The following EXOSC6 variants were observed in gnomAD, a reference collection of about 807,000 sequenced individuals.
EXOSC6 encodes the protein exosome component 6, also known as exosome complex component MTR3.
In EXOSC6, 21 loss-of-function variants were observed where a neutral mutation model predicts 16.7. That is an observed-to-expected ratio of 1.26 (90% CI 0.89 to 1.82). EXOSC6 has a LOEUF of 1.82. Among genes scored for constraint, EXOSC6 ranks in the 40% most tolerant of loss-of-function variants. The pLI, the probability that EXOSC6 is intolerant of heterozygous loss-of-function variation, is 0.00. For missense variants in EXOSC6, 538 were observed against 415.7 expected (o/e 1.29, Z -2.56); for synonymous variants, 297 against 217.1 (o/e 1.37, Z -3.24).
Position 70,251,016 on chromosome 16 carries a change from G to T in EXOSC6, c.*66C>A. 7.0e-7 allele frequency: 1 copy of T among 1,419,668 alleles called. No homozygotes were observed. 87.9% of individuals were successfully genotyped at this position (1,419,668 alleles called of 1,614,324 possible). A position where few individuals can be genotyped will look rare whatever the true frequency, so the allele number is the denominator to read the frequency against. On this transcript the variant is annotated 3_prime_UTR_variant, in exon 1 of 1. Coordinates refer to ENST00000435634, the MANE Select transcript of EXOSC6 (RefSeq NM_058219.3). The stretch of plus-strand genomic sequence containing the variant: ...GACGCAAACTGGAGGCCGATGGCGC[G>T]GGTCTTTTCGTGGACGGCGGCAGCA...
rs1395819693 is a variant in EXOSC6, at chr16:70,251,340, G to C, written c.561C>G (p.Leu187=). 1 of 1,379,678 alleles carries C rather than the reference G, an allele frequency of 7.2e-7. No individual in the cohort carries two copies. The highest frequency in any genetic ancestry group is 9.3e-7 in the Non-Finnish European group (1 of 1,073,026). The allele number at this position is 1,379,678 out of a possible 1,614,324, so 85.5% of individuals were successfully genotyped here. Residue 187 remains leucine, a synonymous_variant, in exon 1 of 1, where the codon CTC becomes CTG. Transcript: ENST00000435634. ...YDLVVGCGLS[L]APGPAPTWLL... is the part of the protein sequence containing the mutation. ...GCCAGGTGGGCGCGGGCCCCGGCGC[G>C]AGGCTGAGGCCGCAGCCCACCACCA...
chr16:70,251,112 G>T lies in EXOSC6; in HGVS notation c.789C>A (p.Ala263=). Residue 263 remains alanine, a synonymous_variant, in exon 1 of 1, where the codon GCC becomes GCA. Coordinates refer to ENST00000435634, the MANE Select transcript of EXOSC6 (RefSeq NM_058219.3). The part of the protein sequence containing the change: ...PVLQQSLVRA[A]RRRGAAAQP ...GCTGGGCGGCGGCGCCCCTGCGGCG[G>T]GCGGCCCGCACCAGGCTCTGCTGCA... 2.0e-6 allele frequency: 3 copies of T among 1,505,874 alleles called. No individual in the cohort carries two copies. The highest frequency in any genetic ancestry group is 2.6e-6 in the Non-Finnish European group (3 of 1,140,710). The allele number at this position is 1,505,874 out of a possible 1,614,324, so 93.3% of individuals were successfully genotyped here. A position where few individuals can be genotyped will look rare whatever the true frequency, so the allele number is the denominator to read the frequency against.
rs1597428690 is a variant in EXOSC6, at chr16:70,247,746, T to C, written c.*3336A>G. 1 of 152,056 alleles carries C rather than the reference T, an allele frequency of 6.6e-6. No individual in the cohort carries two copies. The highest frequency in any genetic ancestry group is 1.5e-5 in the Non-Finnish European group (1 of 67,986). The allele number at this position is 152,056 out of a possible 1,614,324, so 9.4% of individuals were successfully genotyped here. A position where few individuals can be genotyped will look rare whatever the true frequency, so the allele number is the denominator to read the frequency against. ...TTACATAGCAATCTTATAAAAGAAA[T>C]GCTAGAATCAGAAAACCATCATTTT... On this transcript the variant is annotated 3_prime_UTR_variant, in exon 1 of 1. Coordinates refer to ENST00000435634, the MANE Select transcript of EXOSC6 (RefSeq NM_058219.3).
rs1320186375 is a variant in EXOSC6, at chr16:70,247,293, T to C, written c.*3789A>G. On this transcript the variant is annotated 3_prime_UTR_variant, in exon 1 of 1. Coordinates refer to ENST00000435634, the MANE Select transcript of EXOSC6 (RefSeq NM_058219.3). ...ATATACTGAAAATATTTCACTCCACTAAGATGTTAAGCTAAAAACAAATAC... is the reference window on the plus strand; with the variant it reads ...ATATACTGAAAATATTTCACTCCACCAAGATGTTAAGCTAAAAACAAATAC... 1 of 155,264 alleles carries C rather than the reference T, an allele frequency of 6.4e-6. No individual in the cohort carries two copies. Among genetic ancestry groups the C allele is most frequent in the Non-Finnish European group, 1.4e-5 (1 of 70,420 alleles). The allele number at this position is 155,264 out of a possible 1,614,324, so 9.6% of individuals were successfully genotyped here. A position where few individuals can be genotyped will look rare whatever the true frequency, so the allele number is the denominator to read the frequency against.
chr16:70,250,154 T>G lies in EXOSC6; in HGVS notation c.*928A>C, dbSNP rs2152147824. 1 of 152,068 alleles carries G rather than the reference T, an allele frequency of 6.6e-6. No homozygotes were observed. The highest frequency in any genetic ancestry group is 2.1e-4 in the South Asian group (1 of 4,816). The allele number at this position is 152,068 out of a possible 1,614,324, so 9.4% of individuals were successfully genotyped here. A position where few individuals can be genotyped will look rare whatever the true frequency, so the allele number is the denominator to read the frequency against. ...TAATAATAATAATAATGGTTTTATATATATGCATACACAAGCAAAGCCAGA... is the reference window on the plus strand; with the variant it reads ...TAATAATAATAATAATGGTTTTATAGATATGCATACACAAGCAAAGCCAGA... On this transcript the variant is annotated 3_prime_UTR_variant, in exon 1 of 1. Coordinates refer to ENST00000435634, the MANE Select transcript of EXOSC6 (RefSeq NM_058219.3).
Position 70,251,594 on chromosome 16 carries a change from C to G in EXOSC6, c.307G>C (p.Ala103Pro), listed in dbSNP as rs1959823641. 1 of 1,079,480 alleles carries G rather than the reference C, an allele frequency of 9.3e-7. No individual in the cohort carries two copies. Among genetic ancestry groups the G allele is most frequent in the African/African-American group, 1.7e-5 (1 of 59,242 alleles). 66.9% of individuals were successfully genotyped at this position (1,079,480 alleles called of 1,614,324 possible). A position where few individuals can be genotyped will look rare whatever the true frequency, so the allele number is the denominator to read the frequency against. ...RGRLLCDFRR[A>P]PFAGRRRRAP... is the part of the protein sequence containing the mutation. The stretch of plus-strand genomic sequence containing the variant: ...CGGCGCCGGCGGCCCGCGAAGGGTG[C>G]GCGGCGGAAGTCGCAGAGCAGGCGA... Residue 103 changes from alanine (A) to proline (P), a missense_variant, in exon 1 of 1, where the codon GCA becomes CCA. Ala to Pro is a conservative substitution (Grantham distance 27, BLOSUM62 -1). Coordinates refer to ENST00000435634, the MANE Select transcript of EXOSC6 (RefSeq NM_058219.3).
rs1567597493 is a variant in EXOSC6, at chr16:70,247,099, A to G, written c.*3983T>C. 2 of 330,616 alleles carry G rather than the reference A, an allele frequency of 6.0e-6. No individual in the cohort carries two copies. The highest frequency in any genetic ancestry group is 1.2e-5 in the Non-Finnish European group (2 of 173,804). 20.5% of individuals were successfully genotyped at this position (330,616 alleles called of 1,614,324 possible). On this transcript the variant is annotated 3_prime_UTR_variant, in exon 1 of 1. Transcript: ENST00000435634. ...AGATTCTGTAGTTTTAGTTAAAAAA[A>G]AAATTGACTTGTAAATCCCAACTAC...
At position 70,251,750 on chromosome 16, in the gene EXOSC6, C is replaced by T; in HGVS notation, c.151G>A (p.Gly51Ser). Residue 51 changes from glycine (G) to serine (S), a missense_variant, in exon 1 of 1, where the codon GGC becomes AGC. Gly to Ser is a moderately conservative substitution (Grantham distance 56). Transcript: ENST00000435634. ...CCTCCCGCCTCCAGGTAGGCCGAGCCCTTGGCCTGGCTCAGCAGCCCGGCG... is the reference window on the plus strand; with the variant it reads ...CCTCCCGCCTCCAGGTAGGCCGAGCTCTTGGCCTGGCTCAGCAGCCCGGCG... ...ARAGLLSQAK[G>S]SAYLEAGGTK... 1.4e-6 allele frequency: 2 copies of T among 1,423,974 alleles called. No homozygotes were observed. Among genetic ancestry groups the T allele is most frequent in the Non-Finnish European group, 1.8e-6 (2 of 1,100,412 alleles). The allele number at this position is 1,423,974 out of a possible 1,614,324, so 88.2% of individuals were successfully genotyped here.
Position 70,251,773 on chromosome 16 carries a change from GCGCGCGCGTACA to G in EXOSC6, c.116_127del (p.Val39_Arg42del), listed in dbSNP as rs1959829764. 1 of 1,444,114 alleles carries G rather than the reference GCGCGCGCGTACA, an allele frequency of 6.9e-7. No homozygotes were observed. The allele number at this position is 1,444,114 out of a possible 1,614,324, so 89.5% of individuals were successfully genotyped here. ...GCCCTTGGCCTGGCTCAGCAGCCCG[GCGCGCGCGTACA>G]CGGGCCGTAGCCGCGTTGGGTCGCG... is the stretch of plus-strand genomic sequence containing the variant. On this transcript the variant is annotated inframe_deletion, in exon 1 of 1. Transcript: ENST00000435634.
In EXOSC6 at chr16:70,249,027, A is replaced by C. The variant is rs1597429266; in HGVS notation, c.*2055T>G. ...TATCAAAAACTGTAAAAAAAAAAAAAAAAAACCCTAATATCAGATATTCCA... is the reference window on the plus strand; with the variant it reads ...TATCAAAAACTGTAAAAAAAAAAAACAAAAACCCTAATATCAGATATTCCA... On this transcript the variant is annotated 3_prime_UTR_variant, in exon 1 of 1. Transcript: ENST00000435634. 5 of 149,758 alleles carry C rather than the reference A, an allele frequency of 3.3e-5. No individual in the cohort carries two copies. Among genetic ancestry groups the C allele is most frequent in the African/African-American group, 4.9e-5 (2 of 40,506 alleles). 9.3% of individuals were successfully genotyped at this position (149,758 alleles called of 1,614,324 possible).
rs1182440699 is a variant in EXOSC6, at chr16:70,247,875, T to G, written c.*3207A>C. On this transcript the variant is annotated 3_prime_UTR_variant, in exon 1 of 1. Transcript: ENST00000435634. The stretch of plus-strand genomic sequence containing the variant: ...TTCAAGACCAGTCTGGCCAGCTCGA[T>G]GAAACTCCGTCTCTACTAAAAATAT... 6.6e-6 allele frequency: 1 copy of G among 152,184 alleles called. No homozygotes were observed. The highest frequency in any genetic ancestry group is 1.9e-4 in the East Asian group (1 of 5,198). 9.4% of individuals were successfully genotyped at this position (152,184 alleles called of 1,614,324 possible). A position where few individuals can be genotyped will look rare whatever the true frequency, so the allele number is the denominator to read the frequency against.
In EXOSC6 at chr16:70,251,912, G is replaced by A. The variant is rs761629603; in HGVS notation, c.-12C>T. On this transcript the variant is annotated 5_prime_UTR_variant, in exon 1 of 1. Transcript: ENST00000435634. ...TGATCCCCAGGCATGGCGGTTCTTG[G>A]CGTGCGAACCCCTTCCGCCCAACGC... is the stretch of plus-strand genomic sequence containing the variant. 2.0e-6 allele frequency: 3 copies of A among 1,509,192 alleles called. No individual in the cohort carries two copies. The South Asian group carries it at 3.7e-5, about 18-fold the overall frequency. The allele number at this position is 1,509,192 out of a possible 1,614,324, so 93.5% of individuals were successfully genotyped here. A position where few individuals can be genotyped will look rare whatever the true frequency, so the allele number is the denominator to read the frequency against.
rs776528205 is a variant in EXOSC6, at chr16:70,251,918, G to A, written c.-18C>T. The A allele has an allele frequency of 6.7e-6, 10 of 1,494,288 alleles. No individual in the cohort carries two copies. Among genetic ancestry groups the A allele is most frequent in the Admixed American group, 4.6e-5 (2 of 43,738 alleles). 92.6% of individuals were successfully genotyped at this position (1,494,288 alleles called of 1,614,324 possible). On this transcript the variant is annotated 5_prime_UTR_variant, in exon 1 of 1. Coordinates refer to ENST00000435634, the MANE Select transcript of EXOSC6 (RefSeq NM_058219.3). ...CCAGGCATGGCGGTTCTTGGCGTGC[G>A]AACCCCTTCCGCCCAACGCCCTGCC... is the stretch of plus-strand genomic sequence containing the variant.
Position 70,251,663 on chromosome 16 carries a change from C to A in EXOSC6, c.238G>T (p.Gly80Cys). Reference sequence around the variant, plus strand: ...GCCTCGCCGCCTGCTCCGGCCGGGCCGCCGCCGCGCTCGCCGCCCTCGGCC... The same window carrying A: ...GCCTCGCCGCCTGCTCCGGCCGGGCAGCCGCCGCGCTCGCCGCCCTCGGCC... Reference protein sequence around the residue: ...RQAEGGERGGGPAGAGGEAPA... With the variant: ...RQAEGGERGGCPAGAGGEAPA... The change falls in exon 1 of 1, where the codon GGC becomes TGC. Residue 80 changes from glycine (G) to cysteine (C), a missense_variant. Gly to Cys is a radical substitution (Grantham distance 159). Coordinates refer to ENST00000435634, the MANE Select transcript of EXOSC6 (RefSeq NM_058219.3). 4 of 1,216,506 alleles carry A rather than the reference C, an allele frequency of 3.3e-6. No individual in the cohort carries two copies. Among genetic ancestry groups the A allele is most frequent in the Non-Finnish European group, 4.1e-6 (4 of 980,342 alleles). The allele number at this position is 1,216,506 out of a possible 1,614,324, so 75.4% of individuals were successfully genotyped here.
In EXOSC6 at chr16:70,249,491, T is replaced by C. The variant is rs940794279; in HGVS notation, c.*1591A>G. 5.3e-5 allele frequency: 8 copies of C among 152,122 alleles called. No individual in the cohort carries two copies. The highest frequency in any genetic ancestry group is 1.7e-4 in the African/African-American group (7 of 41,430). 9.4% of individuals were successfully genotyped at this position (152,122 alleles called of 1,614,324 possible). On this transcript the variant is annotated 3_prime_UTR_variant, in exon 1 of 1. Coordinates refer to ENST00000435634, the MANE Select transcript of EXOSC6 (RefSeq NM_058219.3). ...TATTCATTTACACATAATTATCTTA[T>C]ACCGTTTGGAATAAGAATTTGGGGC...
rs1959744987 is a variant in EXOSC6, at chr16:70,248,874, CCA to C, written c.*2206_*2207del. On this transcript the variant is annotated 3_prime_UTR_variant, in exon 1 of 1. Coordinates refer to ENST00000435634, the MANE Select transcript of EXOSC6 (RefSeq NM_058219.3). The stretch of plus-strand genomic sequence containing the variant: ...CAGGCGATTCACCAGCCTCAGCCTC[CCA>C]CAGTGCTGGGGTTACAGGAGTGAGC... 1.3e-5 allele frequency: 2 copies of C among 149,472 alleles called. No individual in the cohort carries two copies. The highest frequency in any genetic ancestry group is 6.7e-5 in the Admixed American group (1 of 15,002). 9.3% of individuals were successfully genotyped at this position (149,472 alleles called of 1,614,324 possible).
rs1434982534 is a variant in EXOSC6, at chr16:70,249,416, T to A, written c.*1666A>T. ...CCGCATCAAAAAAAAAAAAAAGATA[T>A]TTTAATATATTCAGATACACAAATA... On this transcript the variant is annotated 3_prime_UTR_variant, in exon 1 of 1. Coordinates refer to ENST00000435634, the MANE Select transcript of EXOSC6 (RefSeq NM_058219.3). 4 of 151,494 alleles carry A rather than the reference T, an allele frequency of 2.6e-5. No homozygotes were observed. The highest frequency in any genetic ancestry group is 4.4e-5 in the Non-Finnish European group (3 of 67,920). 9.4% of individuals were successfully genotyped at this position (151,494 alleles called of 1,614,324 possible).
In EXOSC6 at chr16:70,251,025, C is replaced by G. The variant is rs1322794500; in HGVS notation, c.*57G>C. The G allele has an allele frequency of 7.0e-7, 1 of 1,422,766 alleles. No individual in the cohort carries two copies. Among genetic ancestry groups the G allele is most frequent in the African/African-American group, 1.5e-5 (1 of 66,868 alleles). The allele number at this position is 1,422,766 out of a possible 1,614,324, so 88.1% of individuals were successfully genotyped here. ...TGGAGGCCGATGGCGCGGGTCTTTTCGTGGACGGCGGCAGCACGGTCCTCG... is the reference window on the plus strand; with the variant it reads ...TGGAGGCCGATGGCGCGGGTCTTTTGGTGGACGGCGGCAGCACGGTCCTCG... On this transcript the variant is annotated 3_prime_UTR_variant, in exon 1 of 1. Transcript: ENST00000435634.
chr16:70,250,876 G>A lies in EXOSC6; in HGVS notation c.*206C>T, dbSNP rs530211058. Reference sequence around the variant, plus strand: ...CTCCACCACAAGCGCAGCTCCAGGGGCTGTTGAGTTTTGCCTTTATCATTC... The same window carrying A: ...CTCCACCACAAGCGCAGCTCCAGGGACTGTTGAGTTTTGCCTTTATCATTC... On this transcript the variant is annotated 3_prime_UTR_variant, in exon 1 of 1. Transcript: ENST00000435634. The A allele has an allele frequency of 5.8e-6, 3 of 519,214 alleles. No individual in the cohort carries two copies. The highest frequency in any genetic ancestry group is 2.0e-5 in the African/African-American group (1 of 50,076). 32.2% of individuals were successfully genotyped at this position (519,214 alleles called of 1,614,324 possible).
Sources: gnomAD v4.1 joint callset for allele counts on GRCh38, gnomAD v4.1.1 for gene constraint, MANE v1.5 for transcripts, NCBI Gene and HGNC (gene_info 2026-07-23, HGNC 2026-07-21) for gene names.